KLK13: variants seen among roughly 807,000 people sequenced by gnomAD.
The protein encoded by KLK13 is kallikrein-13.
KLK13 carries 19 observed loss-of-function variants against 22.4 expected under a neutral mutation model. The observed-to-expected ratio is 0.85, with a 90% confidence interval of 0.59 to 1.24. KLK13 has a LOEUF of 1.24. Among genes scored for constraint, KLK13 ranks in the 50% most tolerant of loss-of-function variants. The pLI is 0.00. For synonymous variants in KLK13, 156 were observed against 141.8 expected, an observed-to-expected ratio of 1.10 and a Z score of -0.71; for missense variants, 311 against 347.9, an observed-to-expected ratio of 0.89 and a Z score of 0.84.
At chr19:51,056,964 G>A (rs1197004858) in intron 4 of KLK13, among the ~76,000 whole-genome samples, 189 bp from the exon 5 acceptor site, 1 of 152,126 alleles carries the variant, frequency 6.6e-6, no homozygotes, top group Non-Finnish European at 1.5e-5. Context: ...CAGACAAGAA[G>A]ACAAACACAG....
At chr19:51,059,061 G>A (rs2091701432) in intron 3 of KLK13, among the ~76,000 whole-genome samples, 2 of 152,038 alleles carry the variant, frequency 1.3e-5, no homozygotes. Flanking sequence ...GAAGAGTTAC[G>A]GGAGAGTTGG....
At chr19:51,057,821 G>A (rs987983467) in intron 4 of KLK13, among the ~76,000 whole-genome samples, 1 of 151,898 alleles carries the variant, frequency 6.6e-6, no homozygotes, top group African/African-American at 2.4e-5. Context: ...TTTTTCATTT[G>A]GGGAACTGCC....
chr19:51,061,042 G>T (rs1276629802), intron 1 of KLK13, among the ~76,000 whole-genome samples: 2 of 151,938 alleles, frequency 1.3e-5, no homozygotes. Flanking sequence ...TCATCCTATT[G>T]ATTTGTCCAT....
At chr19:51,059,557 A>G (rs547357631) in intron 3 of KLK13, 24 of 182,476 alleles carry the variant, frequency 1.3e-4, no homozygotes, top group African/African-American at 5.3e-4. Context: ...TTATATTACT[A>G]TATAATACAT....
intron 1 of KLK13, among the ~76,000 whole-genome samples, chr19:51,062,579 GGC>G (rs1451247796): frequency 3.9e-5 from 6 of 152,192 alleles, no homozygotes; most frequent in Admixed American, 6.5e-5. Context: ...GTGTGTGCCA[GGC>G]ACTGTGTCTG....
intron 1 of KLK13, chr19:51,063,618 A>C: frequency 2.2e-6 from 1 of 456,498 alleles, no homozygotes; most frequent in Non-Finnish European, 4.4e-6. Flanking sequence ...CACAAGGCGT[A>C]GCGTGTGGGT....
chr19:51,056,861 A>G (rs1326141907), intron 4 of KLK13, 86 bp from the exon 5 acceptor site: 8 of 983,072 alleles, frequency 8.1e-6, no homozygotes, highest in Non-Finnish European at 1.2e-5. Context: ...GGAGAGAGTG[A>G]AAGATGGAGA....
rs1486605303 is a variant in KLK13 at position 51,056,605 on chromosome 19, C to T, written c.816G>A (p.Trp272Ter). ...IRKYETQQQKWLKGPQ is the reference protein window; with the variant it reads ...IRKYETQQQK ...TCAACTTTTATTGTGGGCCCTTCAA[C>T]CATTTTTGCTGCTGGGTTTCATATT... is the stretch of plus-strand genomic sequence containing the variant. Residue 272 changes from tryptophan (W) to a stop codon, truncating the protein, a stop_gained, in exon 5 of 5, where the codon TGG (tryptophan) becomes TGA (stop). Transcript: ENST00000595793. LOFTEE classifies it high-confidence loss of function. The T allele has an allele frequency of 1.9e-6, 3 of 1,614,140 alleles. No homozygotes were observed. Among genetic ancestry groups the T allele is most frequent in the Non-Finnish European group, 2.5e-6 (3 of 1,180,028 alleles).
intron 3 of KLK13, among the ~76,000 whole-genome samples, chr19:51,059,474 T>A (rs2091705150): frequency 6.9e-6 from 1 of 145,952 alleles, no homozygotes; most frequent in South Asian, 2.1e-4. Context: ...AATACATATT[T>A]AAAATACATA....
chr19:51,064,956 C>T, intron 1 of KLK13, 60 bp downstream of exon 1: 1 of 1,467,064 alleles, frequency 6.8e-7, no homozygotes, highest in South Asian at 1.3e-5. Context: ...CCCCTCCGGC[C>T]TGACCCCTCC....
At chr19:51,065,183 T>C (rs948222603), upstream of KLK13, 1 of 680,248 alleles carries the variant, frequency 1.5e-6, no homozygotes, top group African/African-American at 1.8e-5. Flanking sequence ...CCTGAATGTC[T>C]CCTCGCCTCA....
chr19:51,059,451 T>C (rs1045822849), intron 3 of KLK13, among the ~76,000 whole-genome samples: 26 of 145,942 alleles, frequency 1.8e-4, no homozygotes, highest in African/African-American at 6.2e-4. Context: ...ATATAATATA[T>C]ACATTATGCA....
chr19:51,058,432 A>C (rs2091695119), intron 4 of KLK13, 106 bp downstream of exon 4: 1 of 1,340,584 alleles, frequency 7.5e-7, no homozygotes, highest in South Asian at 1.3e-5. Context: ...TATCTTATAA[A>C]GATTGGTTCC....
chr19:51,063,597 G>C (rs1246955817), intron 1 of KLK13: 1 of 451,970 alleles, frequency 2.2e-6, no homozygotes, highest in African/African-American at 2.0e-5. Context: ...TCGCCAGGTT[G>C]TTGAGGACTC....
chr19:51,060,034 A>C lies in KLK13; in HGVS notation c.299T>G (p.Val100Gly). ...GGGGATAGAGTGGACAACTTCCCTC[A>C]CCTGCTCACCAGCTTCCACACGCCC... is the stretch of plus-strand genomic sequence containing the variant. ...ALGRVEAGEQ[V>G]REVVHSIPHP... is the part of the protein sequence containing the mutation. Residue 100 changes from valine to glycine, a missense_variant, in exon 3 of 5, where the codon GTG (valine) becomes GGG (glycine). Physicochemically the swap from Val to Gly is moderately radical, Grantham distance 109 (BLOSUM62 -3). Coordinates refer to ENST00000595793, the MANE Select transcript of KLK13 (RefSeq NM_015596.3). The C allele has an allele frequency of 4.3e-6, 7 of 1,613,666 alleles. No homozygotes were observed. The highest frequency in any genetic ancestry group is 5.9e-6 in the Non-Finnish European group (7 of 1,179,822).
intron 4 of KLK13, among the ~76,000 whole-genome samples, chr19:51,057,892 ATG>A (rs1455651691): frequency 1.3e-5 from 2 of 152,210 alleles, no homozygotes; most frequent in Admixed American, 1.3e-4. Flanking sequence ...ACAGTTAACT[ATG>A]TGACTCAGGC....
chr19:51,062,950 A>C (rs1053127400), intron 1 of KLK13, among the ~76,000 whole-genome samples: 4 of 152,088 alleles, frequency 2.6e-5, no homozygotes, highest in African/African-American at 9.7e-5. Context: ...GTCGGTGAGC[A>C]CAGGATCATT....
chr19:51,060,609 C>T lies in KLK13; in HGVS notation c.63G>A (p.Gln21=), dbSNP rs531218397. 6.3e-7 allele frequency: 1 copy of T among 1,594,218 alleles called. No individual in the cohort carries two copies. The highest frequency in any genetic ancestry group is 8.6e-7 in the Non-Finnish European group (1 of 1,165,620). The change falls in exon 2 of 5, where the codon CAG becomes CAA. Residue 21 remains glutamine, a synonymous_variant. Transcript: ENST00000595793. ...LTLALSGGVS[Q]ESSKVLNTNG... ...TGGTGTTGAGAACCTTGGAAGACTC[C>T]TGGGAGACACCTGGTAAAGAAGAGA...
chr19:51,064,863 A>G (rs2091766387), intron 1 of KLK13, 153 bp downstream of exon 1: 1 of 667,978 alleles, frequency 1.5e-6, no homozygotes, highest in Non-Finnish European at 2.6e-6. Flanking sequence ...ACCCAGGGAC[A>G]AGCAGGAAGA....
Sources: allele counts gnomAD v4.1 joint callset (sites outside exome capture counted in the v4.1 genomes callset), GRCh38; gene constraint gnomAD v4.1.1; transcripts MANE v1.5; gene names NCBI Gene and HGNC (gene_info 2026-07-23, HGNC 2026-07-21).